CCDC134: variants seen among roughly 807,000 people sequenced by gnomAD.
CCDC134 encodes the protein coiled-coil domain-containing protein 134.
A neutral mutation model predicts 25.6 loss-of-function variants in CCDC134; 27 were observed. The observed-to-expected ratio is 1.05, with a 90% CI of 0.78 to 1.45. The LOEUF (loss-of-function observed/expected upper bound fraction) is 1.45. Ranked by LOEUF, CCDC134 falls within the 40% of genes most tolerant of loss-of-function variation. CCDC134 has a pLI of 0.00. For missense variants in CCDC134, 261 were observed against 286.7 expected, an observed-to-expected ratio of 0.91 and a Z score of 0.65; for synonymous variants, 110 against 115.0, an observed-to-expected ratio of 0.96 and a Z score of 0.28.
At chr22:41,806,554 T>G (rs2076568564) in intron 1 of CCDC134, among the ~76,000 whole-genome samples, 1 of 152,046 alleles carries the variant, frequency 6.6e-6, no homozygotes, top group Admixed American at 6.6e-5. Context: ...TTCATTATAA[T>G]CAGCAGTGGA....
At position 41,830,887 on chromosome 22, in the gene CCDC134, T is replaced by TC. The variant is rs1411463355; in HGVS notation, c.*5064_*5065insC. Among the ~76,000 whole-genome samples the TC allele has an allele frequency of 1.5e-4, 9 of 61,626 alleles. No individual in the cohort carries two copies. The highest frequency in any genetic ancestry group is 6.5e-4 in the South Asian group (1 of 1,532). 40.4% of individuals were successfully genotyped at this position (61,626 alleles called of 152,430 possible). A position where few individuals can be genotyped will look rare whatever the true frequency, so the allele number is the denominator to read the frequency against. On this transcript the variant is annotated 3_prime_UTR_variant, in exon 7 of 7. Coordinates refer to ENST00000255784, the MANE Select transcript of CCDC134 (RefSeq NM_024821.5). ...TCCTTATTTTTTCTTTTCTTTTCTT[T>TC]TTTTTTTTTTTTTTTTTTTGAGACG...
In CCDC134 at chr22:41,831,036, C is replaced by T. The variant is rs550910641; in HGVS notation, c.*5213C>T. On this transcript the variant is annotated 3_prime_UTR_variant, in exon 7 of 7. Coordinates refer to ENST00000255784, the MANE Select transcript of CCDC134 (RefSeq NM_024821.5). Reference sequence around the variant, plus strand: ...GAGTAGCTGGGATTACAGGCATGCACCATCACGCCTGGCTAATTTTTGTAT... The same window carrying T: ...GAGTAGCTGGGATTACAGGCATGCATCATCACGCCTGGCTAATTTTTGTAT... Among the ~76,000 whole-genome samples the T allele has an allele frequency of 2.6e-5, 4 of 151,912 alleles. No homozygotes were observed. The highest frequency in any genetic ancestry group is 2.0e-4 in the Admixed American group (3 of 15,250).
At chr22:41,803,856 C>G (rs6002494) in intron 1 of CCDC134, among the ~76,000 whole-genome samples, 112,037 of 152,098 alleles carry the variant, frequency 0.74, 41,842 homozygotes, top group African/African-American at 0.83. Context: ...GAGAGGCCCA[C>G]CGTGGTGGCT....
At chr22:41,810,181 A>T in intron 3 of CCDC134, 26 bp from the exon 4 acceptor site, 6 of 1,612,344 alleles carry the variant, frequency 3.7e-6, no homozygotes, top group Non-Finnish European at 5.1e-6. Context: ...CTGCGAAGCC[A>T]CTCAGCCCTG....
At chr22:41,802,667 C>A (rs908538032) in intron 1 of CCDC134, among the ~76,000 whole-genome samples, 2 of 152,114 alleles carry the variant, frequency 1.3e-5, no homozygotes, top group African/African-American at 4.8e-5. Context: ...GTAATCCCAG[C>A]GCTTTGGGAG....
rs67246997 is a variant in CCDC134, at chr22:41,830,884, CTTTTTTTTT to C, written c.*5075_*5083del. On this transcript the variant is annotated 3_prime_UTR_variant, in exon 7 of 7. Transcript: ENST00000255784. ...AGATCCTTATTTTTTCTTTTCTTTT[CTTTTTTTTT>C]TTTTTTTTTTTTTGAGACGCAGTCT... Among the ~76,000 whole-genome samples, 104 of 117,264 alleles carry C rather than the reference CTTTTTTTTT, an allele frequency of 8.9e-4. 1 individual carries two copies. Among genetic ancestry groups the C allele is most frequent in the African/African-American group, 3.8e-3 (97 of 25,490 alleles). 76.9% of individuals were successfully genotyped at this position (117,264 alleles called of 152,430 possible).
At chr22:41,812,476 G>A (rs1389756511) in intron 4 of CCDC134, among the ~76,000 whole-genome samples, 1 of 147,402 alleles carries the variant, frequency 6.8e-6, no homozygotes, top group Non-Finnish European at 1.5e-5. Context: ...CCAAGTGAAT[G>A]AATTTTATGT....
intron 6 of CCDC134, 44 bp downstream of exon 6, chr22:41,813,866 G>A (rs757045597): frequency 1.3e-6 from 2 of 1,580,086 alleles, no homozygotes; most frequent in African/African-American, 2.7e-5. Flanking sequence ...TGCCTCTGCT[G>A]GGCCATAGGA....
chr22:41,808,293 C>T (rs563525874), intron 1 of CCDC134, among the ~76,000 whole-genome samples: 4 of 152,246 alleles, frequency 2.6e-5, no homozygotes, highest in Admixed American at 2.0e-4. Context: ...ACTGCCCTGC[C>T]TTCCTCCCTG....
intron 6 of CCDC134, among the ~76,000 whole-genome samples, chr22:41,816,721 T>C (rs2076624414): frequency 6.6e-6 from 1 of 152,126 alleles, no homozygotes. Flanking sequence ...AAATCAAGAC[T>C]ATCCTGGCCA....
At chr22:41,812,967 C>G (rs1027179366) in intron 4 of CCDC134, among the ~76,000 whole-genome samples, 2 of 152,184 alleles carry the variant, frequency 1.3e-5, no homozygotes, top group African/African-American at 4.8e-5. Flanking sequence ...GCTGACGGAC[C>G]TGGGTTTGCA....
rs541635338 is a variant in CCDC134 at position 41,825,335 on chromosome 22, C to G, written c.565-363C>G. ...TGTGACTCTGGCTGACCTCCCTCCT[C>G]TCCTCCTGAAGGGTGCAGCAGGTGT... On this transcript the variant is annotated intron_variant, in intron 6 of 6. Transcript: ENST00000255784. The surrounding 1 kb of genome is among the most constrained non-coding windows in gnomAD (Gnocchi z 4.4). Among the ~76,000 whole-genome samples, 1 of 151,894 alleles carries G rather than the reference C, an allele frequency of 6.6e-6. No homozygotes were observed. The highest frequency in any genetic ancestry group is 2.4e-5 in the African/African-American group (1 of 41,324).
At position 41,813,463 on chromosome 22, in the gene CCDC134, G is replaced by T; in HGVS notation, c.492+18G>T. ...TCAGCCTGGTAAGGACTGGGGTGGAGGTGGCCCGGGAGCCCTCTGTCGGGT... is the reference window on the plus strand; with the variant it reads ...TCAGCCTGGTAAGGACTGGGGTGGATGTGGCCCGGGAGCCCTCTGTCGGGT... On this transcript the variant is annotated intron_variant, in intron 5 of 6. Transcript: ENST00000255784. The T allele has an allele frequency of 6.2e-7, 1 of 1,613,910 alleles. No individual in the cohort carries two copies. Among genetic ancestry groups the T allele is most frequent in the East Asian group, 2.2e-5 (1 of 44,886 alleles).
At chr22:41,810,596 A>G (rs932021649) in intron 4 of CCDC134, among the ~76,000 whole-genome samples, 1 of 149,156 alleles carries the variant, frequency 6.7e-6, no homozygotes, top group Non-Finnish European at 1.5e-5. Flanking sequence ...CCCGCGTACA[A>G]GTGATTCTCC....
At chr22:41,817,835 TAGTC>T (rs1436644993) in intron 6 of CCDC134, among the ~76,000 whole-genome samples, 2 of 152,192 alleles carry the variant, frequency 1.3e-5, no homozygotes, top group Admixed American at 6.5e-5. Context: ...ACACTGACAA[TAGTC>T]AGTAAGAATA....
At chr22:41,801,613 T>G (rs1054437041) in intron 1 of CCDC134, among the ~76,000 whole-genome samples, 1 of 152,180 alleles carries the variant, frequency 6.6e-6, no homozygotes, top group African/African-American at 2.4e-5. Context: ...TATGTAATCT[T>G]GTACCTGACC....
chr22:41,820,470 A>G (rs1272377641), intron 6 of CCDC134, among the ~76,000 whole-genome samples: 2 of 152,190 alleles, frequency 1.3e-5, no homozygotes, highest in African/African-American at 4.8e-5. Context: ...TAAAGAGGTC[A>G]TCTGGCTGCT....
chr22:41,805,931 CAGAAA>C (rs1001759196), intron 1 of CCDC134, among the ~76,000 whole-genome samples: 7 of 152,008 alleles, frequency 4.6e-5, no homozygotes, highest in Admixed American at 1.3e-4. Context: ...TAAATAAATA[CAGAAA>C]AGAAAAGAAA....
chr22:41,802,454 G>A (rs559856738), intron 1 of CCDC134, among the ~76,000 whole-genome samples: 5 of 152,208 alleles, frequency 3.3e-5, no homozygotes, highest in South Asian at 4.1e-4. Flanking sequence ...AGGGGCTCAC[G>A]TCTGTAATCC....
Sources: allele counts gnomAD v4.1 joint callset (sites outside exome capture counted in the v4.1 genomes callset), GRCh38; gene constraint gnomAD v4.1.1; non-coding constraint Gnocchi (gnomAD v3.1); transcripts MANE v1.5; gene names NCBI Gene and HGNC (gene_info 2026-07-23, HGNC 2026-07-21).